The following ANKRD36C variants were observed in gnomAD, a reference collection of about 807,000 sequenced individuals.
ANKRD36C encodes the protein ankyrin repeat domain-containing protein 36C.
ANKRD36C carries 61 observed loss-of-function variants against 276.4 expected under a neutral mutation model. The observed-to-expected ratio is 0.22, with a 90% CI of 0.18 to 0.27. The LOEUF (loss-of-function observed/expected upper bound fraction) is 0.27. Ranked by LOEUF, ANKRD36C falls within the 10% of genes least tolerant of loss-of-function variation. The probability of loss-of-function intolerance (pLI) is 1.00; values close to 1 mark genes in which losing one functional copy is unlikely to be tolerated. For synonymous variants in ANKRD36C, 483 were observed against 680.1 expected (o/e 0.71, Z 4.51); for missense variants, 1,447 against 2,032.3 (o/e 0.71, Z 5.54).
intron 28 of ANKRD36C, among the ~76,000 whole-genome samples, chr2:95,925,971 C>T (rs1437896159): frequency 6.6e-6 from 1 of 151,584 alleles, no homozygotes; most frequent in African/African-American, 2.4e-5. Context: ...AAGTATTCAT[C>T]ATGCTCTTTA....
intron 6 of ANKRD36C, among the ~76,000 whole-genome samples, chr2:95,964,008 T>TAAATATATATATATAA (rs1678533270): frequency 5.7e-5 from 1 of 17,656 alleles, no homozygotes; most frequent in African/African-American, 2.2e-4. Context: ...TATATATATA[T>TAAATATATATATATAA]ATATATGTGT....
At chr2:95,882,539 T>C in intron 54 of ANKRD36C, 42 bp from the exon 75 acceptor site, 1 of 1,549,344 alleles carries the variant, frequency 6.5e-7, no homozygotes, top group South Asian at 1.2e-5. Context: ...TATGTAAATA[T>C]GATAAAGTTA....
intron 17 of ANKRD36C, among the ~76,000 whole-genome samples, chr2:95,946,156 GAAAAAA>G (rs56964568): frequency 1.9e-4 from 14 of 73,302 alleles, no homozygotes; most frequent in Non-Finnish European, 2.3e-4. Flanking sequence ...ACAGAGAGAG[GAAAAAA>G]AAAAAAAAAA....
chr2:95,959,595 C>T (rs543960455), intron 10 of ANKRD36C, among the ~76,000 whole-genome samples: 94 of 152,170 alleles, frequency 6.2e-4, no homozygotes, highest in Non-Finnish European at 9.9e-4. Flanking sequence ...AAAATAACCA[C>T]TTTAGGAGTC....
chr2:95,949,492 C>T (rs921911585), intron 16 of ANKRD36C, among the ~76,000 whole-genome samples: 8 of 152,164 alleles, frequency 5.3e-5, no homozygotes, highest in Non-Finnish European at 1.2e-4. Flanking sequence ...CCCCAATCTA[C>T]ATCTTCAAAT....
At chr2:95,917,871 T>G (rs1677148814) in exon 36 of ANKRD36C, 1 of 1,603,938 alleles carries the variant, frequency 6.2e-7, no homozygotes, top group South Asian at 1.1e-5. Context: ...CAGATTTTTC[T>G]CCGTCCTTTA....
intron 6 of ANKRD36C, among the ~76,000 whole-genome samples, chr2:95,963,141 G>A (rs1170187888): frequency 1.3e-5 from 2 of 151,998 alleles, no homozygotes; most frequent in South Asian, 2.1e-4. Flanking sequence ...ACCATGTGGT[G>A]TAATAATTGC....
At chr2:95,881,482 A>G (rs1325327920) in intron 56 of ANKRD36C, among the ~76,000 whole-genome samples, 1 of 151,052 alleles carries the variant, frequency 6.6e-6, no homozygotes, top group Non-Finnish European at 1.5e-5. Flanking sequence ...CTGCTCTGGA[A>G]TATCACTTTA....
chr2:95,850,266 T>G (rs200417785), downstream of ANKRD36C, among the ~76,000 whole-genome samples: 1 of 152,244 alleles, frequency 6.6e-6, no homozygotes, highest in Non-Finnish European at 1.5e-5. Flanking sequence ...AATTACAAGA[T>G]AAAGATGATA....
chr2:95,850,856 G>A (rs1357134873), downstream of ANKRD36C, among the ~76,000 whole-genome samples: 1 of 152,166 alleles, frequency 6.6e-6, no homozygotes, highest in African/African-American at 2.4e-5. Context: ...TGTTTTGTGA[G>A]AACAGTTTCA....
chr2:95,927,267 T>C (rs1677430620), exon 28 of ANKRD36C: 1 of 1,610,086 alleles, frequency 6.2e-7, no homozygotes, highest in African/African-American at 1.3e-5. Flanking sequence ...TGAAACAGAA[T>C]CTTTCTCATC....
chr2:95,851,604 C>T (rs1573714162), intron 66 of ANKRD36C, 90 bp downstream of exon 86: 5 of 1,137,836 alleles, frequency 4.4e-6, no homozygotes, highest in Non-Finnish European at 5.0e-6. Context: ...ACTTTTGGCC[C>T]CAAGCATTTT....
chr2:95,941,074 C>G, intron 20 of ANKRD36C, 86 bp downstream of exon 20: 1 of 1,286,856 alleles, frequency 7.8e-7, no homozygotes, highest in Admixed American at 3.7e-5. Context: ...TATTCACTAC[C>G]TCACCACCTT....
At chr2:95,912,150 T>C in intron 42 of ANKRD36C, 94 bp downstream of exon 44, 2 of 1,481,636 alleles carry the variant, frequency 1.3e-6, no homozygotes, top group Non-Finnish European at 1.8e-6. Context: ...TGAATCAGAA[T>C]GTGCAGCTTC....
chr2:95,919,380 T>C (rs1238062376), intron 34 of ANKRD36C, among the ~76,000 whole-genome samples: 3 of 133,560 alleles, frequency 2.2e-5, no homozygotes, highest in Non-Finnish European at 5.0e-5. Flanking sequence ...GTGACGTCTG[T>C]AAAATCTGTA....
chr2:95,924,816 C>T (rs991206441), intron 30 of ANKRD36C, among the ~76,000 whole-genome samples: 1 of 151,648 alleles, frequency 6.6e-6, no homozygotes, highest in Non-Finnish European at 1.5e-5. Flanking sequence ...AGTGAGTTCA[C>T]TCAGGTTTCC....
intron 6 of ANKRD36C, among the ~76,000 whole-genome samples, chr2:95,963,219 T>A (rs932319836): frequency 2.6e-5 from 4 of 152,094 alleles, no homozygotes; most frequent in African/African-American, 4.8e-5. Context: ...CAATAAGGTA[T>A]AATATATAAA....
chr2:95,855,580 C>G (rs1401756263), exon 63 of ANKRD36C: 1 of 1,610,730 alleles, frequency 6.2e-7, no homozygotes. Flanking sequence ...TTTTCAATGT[C>G]CTTCATTTGA....
chr2:95,859,227 T>A (rs992819812), intron 61 of ANKRD36C, among the ~76,000 whole-genome samples: 6 of 152,042 alleles, frequency 3.9e-5, no homozygotes, highest in African/African-American at 1.2e-4. Flanking sequence ...AGAGATAGCA[T>A]TTCACTATGT....
Sources: gnomAD v4.1 joint callset for allele counts (sites outside exome capture counted in the v4.1 genomes callset) on GRCh38, gnomAD v4.1.1 for gene constraint, MANE v1.5 for transcripts, NCBI Gene and HGNC (gene_info 2026-07-23, HGNC 2026-07-21) for gene names.